The following OSBP2 variants were observed in gnomAD, a reference collection of about 807,000 sequenced individuals.
OSBP2 encodes the protein oxysterol-binding protein 2.
Under a neutral mutation model 96.0 loss-of-function variants are expected in OSBP2, and 66 were observed. That is an observed-to-expected ratio of 0.69 (90% CI 0.56 to 0.84). The LOEUF (loss-of-function observed/expected upper bound fraction) is 0.84. Ranked by LOEUF, OSBP2 falls within the 40% of genes least tolerant of loss-of-function variation. The pLI is 0.00. For missense variants in OSBP2, 1,038 were observed against 1,222.7 expected (o/e 0.85, Z 2.25); for synonymous variants, 525 against 520.9 (o/e 1.01, Z -0.11).
chr22:30,749,805 G>A (rs2090051599), intron 2 of OSBP2, among the ~76,000 whole-genome samples: 1 of 151,992 alleles, frequency 6.6e-6, no homozygotes, highest in Non-Finnish European at 1.5e-5. Flanking sequence ...ACGAGGTTTT[G>A]CCATGTTAGC....
intron 12 of OSBP2, among the ~76,000 whole-genome samples, chr22:30,901,459 A>G (rs1357021150): frequency 6.6e-6 from 1 of 152,254 alleles, no homozygotes; most frequent in Non-Finnish European, 1.5e-5. Context: ...AAAAACATAT[A>G]TGGCCAGTCA....
At chr22:30,902,318 A>G in intron 12 of OSBP2, 1 of 1,590,820 alleles carries the variant, frequency 6.3e-7, no homozygotes, top group Admixed American at 1.7e-5. Flanking sequence ...ACGGGTAGTC[A>G]GAGACAAAGA....
chr22:30,860,398 A>T (rs1214971095), intron 2 of OSBP2, among the ~76,000 whole-genome samples: 2 of 152,190 alleles, frequency 1.3e-5, no homozygotes, highest in East Asian at 1.9e-4. Flanking sequence ...GGTCTTAACC[A>T]CAGGGGATCA....
chr22:30,865,833 T>C (rs2039326065), intron 2 of OSBP2, among the ~76,000 whole-genome samples: 1 of 151,988 alleles, frequency 6.6e-6, no homozygotes, highest in Non-Finnish European at 1.5e-5. Flanking sequence ...CCCAAGGCCA[T>C]GTGGAGTGAG....
intron 2 of OSBP2, among the ~76,000 whole-genome samples, chr22:30,802,411 C>T (rs974442318): frequency 7.2e-5 from 11 of 152,364 alleles, no homozygotes; most frequent in Admixed American, 5.2e-4. Context: ...CTGGATCACT[C>T]CTTGCAACCT....
intron 2 of OSBP2, among the ~76,000 whole-genome samples, chr22:30,742,175 G>T (rs2089947601): frequency 6.6e-6 from 1 of 150,386 alleles, no homozygotes; most frequent in Non-Finnish European, 1.5e-5. Flanking sequence ...GCACATGCCT[G>T]TAATCCCAGC....
At chr22:30,831,749 A>C (rs1269324726) in intron 2 of OSBP2, among the ~76,000 whole-genome samples, 1 of 152,010 alleles carries the variant, frequency 6.6e-6, no homozygotes, top group Non-Finnish European at 1.5e-5. Context: ...TCCACTCTTT[A>C]GCTTTCCCAA....
chr22:30,886,304 TG>T (rs2039807559), intron 3 of OSBP2, among the ~76,000 whole-genome samples: 1 of 152,210 alleles, frequency 6.6e-6, no homozygotes, highest in Non-Finnish European at 1.5e-5. Flanking sequence ...AAACATTTTC[TG>T]GTTGGCACTT....
chr22:30,857,677 T>A lies in OSBP2; in HGVS notation c.854-12752T>A, dbSNP rs2039106558. 2.0e-5 allele frequency among the ~76,000 whole-genome samples: 3 copies of A among 152,214 alleles called. No individual in the cohort carries two copies. The South Asian group carries it at 6.2e-4, about 32-fold the overall frequency. On this transcript the variant is annotated intron_variant, in intron 2 of 13. Transcript: ENST00000332585. ...AAGCACTTTACAGGCATTAACCCAT[T>A]TTGTAGATGAAGACTGAAGGTTAAG...
intron 2 of OSBP2, among the ~76,000 whole-genome samples, chr22:30,810,382 C>T (rs542212697): frequency 6.6e-6 from 1 of 152,258 alleles, no homozygotes; most frequent in African/African-American, 2.4e-5. Flanking sequence ...TCTGTGTACA[C>T]TTGCTTATGA....
Position 30,907,613 on chromosome 22 carries a change from G to C in OSBP2, c.*1274G>C, listed in dbSNP as rs2040358632. ...GGGTCTTTCTTTCTACTCCAGGACTGGTTTTGTTTTTATATATATAAAAAA... is the reference window on the plus strand; with the variant it reads ...GGGTCTTTCTTTCTACTCCAGGACTCGTTTTGTTTTTATATATATAAAAAA... On this transcript the variant is annotated 3_prime_UTR_variant, in exon 14 of 14. Coordinates refer to ENST00000332585, the MANE Select transcript of OSBP2 (RefSeq NM_030758.4). 1 of 152,158 alleles carries C rather than the reference G, an allele frequency of 6.6e-6. No homozygotes were observed. Among genetic ancestry groups the C allele is most frequent in the Non-Finnish European group, 1.5e-5 (1 of 67,968 alleles). 9.4% of individuals were successfully genotyped at this position (152,158 alleles called of 1,614,324 possible). A position where few individuals can be genotyped will look rare whatever the true frequency, so the allele number is the denominator to read the frequency against.
Position 30,890,472 on chromosome 22 carries a change from G to A in OSBP2, c.1624-256G>A, listed in dbSNP as rs1378595768. Among the ~76,000 whole-genome samples, 1 of 152,236 alleles carries A rather than the reference G, an allele frequency of 6.6e-6. No individual in the cohort carries two copies. The highest frequency in any genetic ancestry group is 1.5e-5 in the Non-Finnish European group (1 of 68,042). ...CTTGGTGGGTGTCCATCCGAGCAGA[G>A]GAGAGCAACAGTGAACATGATAAAA... On this transcript the variant is annotated intron_variant, in intron 7 of 13. Transcript: ENST00000332585. The surrounding 1 kb of genome is among the most constrained non-coding windows in gnomAD (Gnocchi z 4.4).
chr22:30,888,304 C>A lies in OSBP2; in HGVS notation c.1382C>A (p.Ser461Tyr). 6.2e-7 allele frequency: 1 copy of A among 1,613,316 alleles called. No individual in the cohort carries two copies. The highest frequency in any genetic ancestry group is 8.5e-7 in the Non-Finnish European group (1 of 1,179,360). ...TTTGATGCCATGGAAGACTCCACAT[C>A]CTTCATCACCGTGATCACCGAGGCC... ...EYFDAMEDST[S>Y]FITVITEAKE... The change falls in exon 5 of 14, where the codon TCC (serine) becomes TAC (tyrosine). Residue 461 changes from serine (S) to tyrosine (Y), a missense_variant. By Grantham distance (144) the Ser-to-Tyr change is moderately radical. Coordinates refer to ENST00000332585, the MANE Select transcript of OSBP2 (RefSeq NM_030758.4).
chr22:30,771,142 C>G (rs1347734871), intron 2 of OSBP2, among the ~76,000 whole-genome samples: 3 of 152,232 alleles, frequency 2.0e-5, no homozygotes, highest in Non-Finnish European at 4.4e-5. Flanking sequence ...ATGACCACCT[C>G]TAGTCCTCTC....
rs2039860667 is a variant in OSBP2, at chr22:30,888,241, A to G, written c.1319A>G (p.Lys440Arg). Residue 440 changes from lysine (K) to arginine (R), a missense_variant, in exon 5 of 14, where the codon AAA becomes AGA. Lys to Arg is a conservative substitution (Grantham distance 26). Transcript: ENST00000332585. ...SFIEGSLLTP[K>R]GEDSEEDEDT... Reference sequence around the variant, plus strand: ...TCTCTAGGAAGCCTCTTGACTCCCAAAGGAGAGGACAGTGAGGAAGATGAA... The same window carrying G: ...TCTCTAGGAAGCCTCTTGACTCCCAGAGGAGAGGACAGTGAGGAAGATGAA... 1 of 1,611,530 alleles carries G rather than the reference A, an allele frequency of 6.2e-7. No homozygotes were observed. Among genetic ancestry groups the G allele is most frequent in the Non-Finnish European group, 8.5e-7 (1 of 1,177,830 alleles).
At chr22:30,759,641 C>T (rs1260569261) in intron 2 of OSBP2, among the ~76,000 whole-genome samples, 1 of 152,154 alleles carries the variant, frequency 6.6e-6, no homozygotes, top group African/African-American at 2.4e-5. Context: ...AAATCAAATT[C>T]TAACACTTGC....
chr22:30,694,845 G>A (rs1389760504), upstream of OSBP2: 2 of 722,992 alleles, frequency 2.8e-6, no homozygotes, highest in South Asian at 6.5e-5. Context: ...TGCGCCCCCG[G>A]CCCCGCCCCC....
intron 2 of OSBP2, among the ~76,000 whole-genome samples, chr22:30,779,640 G>T (rs187054871): frequency 5.3e-5 from 8 of 152,182 alleles, no homozygotes; most frequent in African/African-American, 1.9e-4. Flanking sequence ...TGCAGGAGCT[G>T]GACGAAGTAA....
At chr22:30,746,798 T>A (rs1300611644) in intron 2 of OSBP2, among the ~76,000 whole-genome samples, 1 of 152,148 alleles carries the variant, frequency 6.6e-6, no homozygotes, top group Non-Finnish European at 1.5e-5. Flanking sequence ...AGCCTGAGGA[T>A]GAAACACTTA....
Sources: gnomAD v4.1 joint callset for allele counts (sites outside exome capture counted in the v4.1 genomes callset) on GRCh38, gnomAD v4.1.1 for gene constraint, Gnocchi (gnomAD v3.1) non-coding constraint, MANE v1.5 for transcripts, NCBI Gene and HGNC (gene_info 2026-07-23, HGNC 2026-07-21) for gene names.